Variants in SCN8A observed in about 807,000 individuals in gnomAD.
The protein encoded by SCN8A is sodium channel protein type 8 subunit alpha.
In SCN8A, 30 loss-of-function variants were observed where a neutral mutation model predicts 184.1. The ratio of observed to expected loss-of-function variants is 0.16; its 90% CI spans 0.12 to 0.22. The LOEUF is 0.22. Among genes scored for constraint, SCN8A ranks in the 10% least tolerant of loss-of-function variants. The probability of loss-of-function intolerance (pLI) is 1.00; values close to 1 mark genes in which losing one functional copy is unlikely to be tolerated. For synonymous variants in SCN8A, 852 were observed against 907.0 expected, an observed-to-expected ratio of 0.94 and a Z score of 1.09; for missense variants, 1,057 against 2,498.9, an observed-to-expected ratio of 0.42 and a Z score of 12.30.
At chr12:51,794,238 T>C (rs1938347022) in intron 25 of SCN8A, 133 bp from the exon 26 acceptor site, 1 of 787,344 alleles carries the variant, frequency 1.3e-6, no homozygotes, top group Non-Finnish European at 2.0e-6. Flanking sequence ...ATGCTCCTGA[T>C]AGAGCAGCAG....
intron 19 of SCN8A, among the ~76,000 whole-genome samples, chr12:51,772,898 C>T (rs1056518864): frequency 5.3e-5 from 8 of 151,874 alleles, no homozygotes; most frequent in African/African-American, 7.3e-5. Flanking sequence ...GGGCGAATCA[C>T]GAGGTCAGGA....
chr12:51,692,690 T>A (rs1201860460), intron 6 of SCN8A, among the ~76,000 whole-genome samples: 1 of 152,192 alleles, frequency 6.6e-6, no homozygotes, highest in Non-Finnish European at 1.5e-5. Flanking sequence ...CACTTTGTAT[T>A]TGTCTGAGTC....
At chr12:51,800,722 T>C (rs1442642985) in intron 26 of SCN8A, among the ~76,000 whole-genome samples, 1 of 152,226 alleles carries the variant, frequency 6.6e-6, no homozygotes, top group Non-Finnish European at 1.5e-5. Flanking sequence ...GCCCTTACTC[T>C]AACTGGAGGA....
intron 14 of SCN8A, 78 bp downstream of exon 14, chr12:51,751,671 G>A (rs1942597480): frequency 1.8e-6 from 2 of 1,088,218 alleles, no homozygotes; most frequent in Admixed American, 4.6e-5. Context: ...GGTACTGAAA[G>A]CTGGAGTTTC....
chr12:51,742,385 T>G lies in SCN8A; in HGVS notation c.1999-3518T>G, dbSNP rs1225852929. 8.5e-5 allele frequency among the ~76,000 whole-genome samples: 13 copies of G among 152,320 alleles called. No homozygotes were observed. The East Asian group carries it at 2.3e-3, about 27-fold the overall frequency. Reference sequence around the variant, plus strand: ...AGTTCCTGTAGGACAGGTCTGGTGTTGATGAAATCTCTCAGCTTTTGCTTG... The same window carrying G: ...AGTTCCTGTAGGACAGGTCTGGTGTGGATGAAATCTCTCAGCTTTTGCTTG... On this transcript the variant is annotated intron_variant, in intron 12 of 26. Transcript: ENST00000627620.
At position 51,663,903 on chromosome 12, in the gene SCN8A, A is replaced by ATTTTTTTTT. The variant is rs796653928; in HGVS notation, c.276+826_276+834dup. ...TTTTAGGGAACCCCTCATTTGACAG[A>ATTTTTTTTT]TTTTTTTTTTTTTTTTTTTTTTTTG... On this transcript the variant is annotated intron_variant, in intron 2 of 26. Transcript: ENST00000627620. Among the ~76,000 whole-genome samples, 252 of 69,824 alleles carry ATTTTTTTTT rather than the reference A, an allele frequency of 3.6e-3. 19 individuals carry two copies. The highest frequency in any genetic ancestry group is 4.6e-3 in the Non-Finnish European group (170 of 37,268). The allele number at this position is 69,824 out of a possible 152,430, so 45.8% of individuals were successfully genotyped here.
At chr12:51,774,561 G>A (rs145373183) in intron 20 of SCN8A, among the ~76,000 whole-genome samples, 199 bp downstream of exon 20, 1 of 152,296 alleles carries the variant, frequency 6.6e-6, no homozygotes, top group African/African-American at 2.4e-5. Flanking sequence ...ATTTGCTCCA[G>A]GGGGACTAAC....
Position 51,751,362 on chromosome 12 carries a change from A to C in SCN8A, c.2139A>C (p.Glu713Asp), listed in dbSNP as rs1218269439. 1.8e-5 allele frequency: 29 copies of C among 1,611,672 alleles called. No individual in the cohort carries two copies. The highest frequency in any genetic ancestry group is 2.4e-5 in the Non-Finnish European group (28 of 1,178,336). Residue 713 changes from glutamate to aspartate, a missense_variant, in exon 14 of 27, where the codon GAA becomes GAC. Glu to Asp is a conservative substitution (Grantham distance 45, BLOSUM62 2). This residue lies in a region of SCN8A where 322 missense variants were observed against 390.1 expected (regional missense o/e 0.83). Coordinates refer to ENST00000627620, the MANE Select transcript of SCN8A (RefSeq NM_001330260.2). ...TGTTCTTACTTACTGTAGAACTGGA[A>C]GAGTCTCAGAGAAAGTGCCCGCCAT... ...VVTNTLVEELEESQRKCPPCW... is the reference protein window; with the variant it reads ...VVTNTLVEELDESQRKCPPCW...
chr12:51,721,341 G>T (rs913871975), intron 11 of SCN8A, among the ~76,000 whole-genome samples: 4 of 151,874 alleles, frequency 2.6e-5, no homozygotes, highest in African/African-American at 9.7e-5. Flanking sequence ...TTTTGAATCC[G>T]TAACTGGTCA....
chr12:51,630,017 A>C (rs1229192116), intron 1 of SCN8A, among the ~76,000 whole-genome samples: 2 of 152,044 alleles, frequency 1.3e-5, no homozygotes, highest in Non-Finnish European at 2.9e-5. Context: ...TCTTGTCTTG[A>C]ATTTTATCTC....
intron 6 of SCN8A, among the ~76,000 whole-genome samples, chr12:51,693,641 T>A (rs1165155244): frequency 2.0e-5 from 3 of 152,138 alleles, no homozygotes; most frequent in African/African-American, 7.2e-5. Flanking sequence ...AGTGCGATCT[T>A]GTCTCTTAAT....
intron 11 of SCN8A, among the ~76,000 whole-genome samples, chr12:51,713,965 C>CA (rs1382401368): frequency 2.7e-5 from 4 of 146,794 alleles, no homozygotes; most frequent in African/African-American, 2.5e-5. Context: ...TTTCCAAAAC[C>CA]AAAAAAAAGG....
chr12:51,776,051 G>A (rs1376082181), intron 20 of SCN8A, among the ~76,000 whole-genome samples: 3 of 152,130 alleles, frequency 2.0e-5, no homozygotes, highest in Non-Finnish European at 4.4e-5. Flanking sequence ...GTGCAGTGGC[G>A]CCATCTCTGC....
At chr12:51,777,456 C>CT (rs894419811) in intron 20 of SCN8A, among the ~76,000 whole-genome samples, 14 of 151,676 alleles carry the variant, frequency 9.2e-5, no homozygotes, top group South Asian at 2.1e-4. Context: ...TCCTCAATTC[C>CT]TTTTTTTTGT....
Position 51,770,568 on chromosome 12 carries a change from A to G in SCN8A, c.3530A>G (p.Glu1177Gly), listed in dbSNP as rs560509683. 11 of 1,613,258 alleles carry G rather than the reference A, an allele frequency of 6.8e-6. No homozygotes were observed. In the African/African-American group the frequency reaches 1.3e-4, roughly 20 times the overall value. Residue 1177 changes from glutamate to glycine, a missense_variant, in exon 19 of 27, where the codon GAG (glutamate) becomes GGG (glycine). Around this residue, in one of 19 missense-constraint regions of SCN8A, gnomAD observed 178 missense variants for 259.6 expected, o/e 0.69. Transcript: ENST00000627620. ...QRFKCCQVNIEEGLGKSWWIL... is the reference protein window; with the variant it reads ...QRFKCCQVNIGEGLGKSWWIL... ...TTCAAGTGCTGCCAGGTCAACATCG[A>G]GGAAGGGCTAGGCAAGTCTTGGTGG...
intron 12 of SCN8A, among the ~76,000 whole-genome samples, chr12:51,736,061 A>G (rs1393635176): frequency 3.3e-5 from 5 of 152,216 alleles, no homozygotes; most frequent in African/African-American, 1.2e-4. Context: ...GTGGGGGTTC[A>G]GTATTCTCTG....
intron 12 of SCN8A, among the ~76,000 whole-genome samples, chr12:51,732,407 C>G (rs1942258180): frequency 6.6e-6 from 1 of 152,140 alleles, no homozygotes; most frequent in Non-Finnish European, 1.5e-5. Flanking sequence ...TCTGGGTTCT[C>G]TATTCTGTTC....
In SCN8A at chr12:51,596,353, A is replaced by G. The variant is rs1380552915; in HGVS notation, c.-55+4994A>G. Among the ~76,000 whole-genome samples the G allele has an allele frequency of 2.0e-5, 3 of 152,344 alleles. No individual in the cohort carries two copies. The East Asian group carries it at 5.8e-4, about 29-fold the overall frequency. ...GTAAAGCAAATATCCTACCCACTTT[A>G]TAGCTGAAGAAACTGAGTATCGAAG... On this transcript the variant is annotated intron_variant, in intron 1 of 26. Transcript: ENST00000627620.
At chr12:51,775,453 CTG>C (rs932572594) in intron 20 of SCN8A, among the ~76,000 whole-genome samples, 1 of 152,226 alleles carries the variant, frequency 6.6e-6, no homozygotes, top group African/African-American at 2.4e-5. Context: ...AGAACTGTCA[CTG>C]TGCCCTCAGT....
Sources: allele counts gnomAD v4.1 joint callset (sites outside exome capture counted in the v4.1 genomes callset), GRCh38; gene constraint gnomAD v4.1.1; regional missense constraint gnomAD v4.1.1; transcripts MANE v1.5; gene names NCBI Gene and HGNC (gene_info 2026-07-23, HGNC 2026-07-21).